The following SP100 variants were observed in gnomAD, a reference collection of about 807,000 sequenced individuals.
The protein encoded by SP100 is nuclear autoantigen Sp-100.
SP100 carries 84 observed loss-of-function variants against 130.0 expected under a neutral mutation model. That is an observed-to-expected ratio of 0.65 (90% CI 0.54 to 0.77). The LOEUF is 0.77. Ranked by LOEUF, SP100 falls within the 30% of genes least tolerant of loss-of-function variation. SP100 has a pLI of 0.00. For synonymous variants in SP100, 331 were observed against 351.7 expected (o/e 0.94, Z 0.66); for missense variants, 978 against 1,052.2 (o/e 0.93, Z 0.97).
At chr2:230,433,947 T>C (rs1354291596) in intron 2 of SP100, among the ~76,000 whole-genome samples, 1 of 149,636 alleles carries the variant, frequency 6.7e-6, no homozygotes, top group Admixed American at 6.6e-5. Flanking sequence ...ATATACTTAC[T>C]CAAAATCTTG....
At chr2:230,438,405 AT>A (rs1373018430) in intron 2 of SP100, among the ~76,000 whole-genome samples, 2 of 151,982 alleles carry the variant, frequency 1.3e-5, no homozygotes, top group East Asian at 3.8e-4. Context: ...CTCAATGTGT[AT>A]TCTTTTATCT....
chr2:230,472,131 T>G (rs2065290450), intron 15 of SP100, among the ~76,000 whole-genome samples: 1 of 150,784 alleles, frequency 6.6e-6, no homozygotes, highest in Non-Finnish European at 1.5e-5. Flanking sequence ...GCAAAAAGAG[T>G]CAAGATCAAG....
rs34582803 is a variant in SP100 at position 230,514,362 on chromosome 2, G to GA, written c.2094+3204dup. On this transcript the variant is annotated intron_variant, in intron 24 of 28. Coordinates refer to ENST00000340126, the MANE Select transcript of SP100 (RefSeq NM_001080391.2). ...AGAGAATTTGTGTACAAGAATGGGG[G>GA]AAAAAAAACCTGTTCCATTAGGGAG... 1.3e-4 allele frequency among the ~76,000 whole-genome samples: 20 copies of GA among 151,828 alleles called. No individual in the cohort carries two copies. In the East Asian group the frequency reaches 2.5e-3, roughly 19 times the overall value.
At position 230,462,436 on chromosome 2, in the gene SP100, C is replaced by T. The variant is rs774811177; in HGVS notation, c.975C>T (p.Val325=). The T allele has an allele frequency of 1.2e-6, 2 of 1,612,944 alleles. No homozygotes were observed. The highest frequency in any genetic ancestry group is 1.3e-5 in the African/African-American group (1 of 74,846). ...THHNQASDII[V]ISSEDSEGST... Reference sequence around the variant, plus strand: ...AATGGTTTTTGCTCCTTTGTGCAGTCATCAGCAGTGAGGACTCTGAAGGAT... The same window carrying T: ...AATGGTTTTTGCTCCTTTGTGCAGTTATCAGCAGTGAGGACTCTGAAGGAT... The change falls in exon 10 of 29, where the codon GTC becomes GTT. Residue 325 remains valine, a splice_region_variant and synonymous_variant. Coordinates refer to ENST00000340126, the MANE Select transcript of SP100 (RefSeq NM_001080391.2).
Position 230,474,135 on chromosome 2 carries a change from G to A in SP100, c.1547-259G>A, listed in dbSNP as rs1423465290. ...TTCATAAAAATTTTAAAGCTGAACA[G>A]GATAACCGTTGCTGTCCCTGTTTCA... is the stretch of plus-strand genomic sequence containing the variant. On this transcript the variant is annotated intron_variant, in intron 16 of 28. Transcript: ENST00000340126. 2.6e-5 allele frequency among the ~76,000 whole-genome samples: 4 copies of A among 152,180 alleles called. No homozygotes were observed. In the East Asian group the frequency reaches 7.7e-4, roughly 29 times the overall value.
chr2:230,491,235 C>T (rs1348259280), intron 17 of SP100, among the ~76,000 whole-genome samples: 2 of 152,204 alleles, frequency 1.3e-5, no homozygotes, highest in East Asian at 3.8e-4. Context: ...ACCCAGTTGT[C>T]TGGGCTGCAC....
Position 230,505,900 on chromosome 2 carries a change from TG to T in SP100, c.1871-401del, listed in dbSNP as rs1168058729. ...ATGGCCACTTGGGGACCCAAGAGCATGGTAGAGGGCTTTATGCCTTCATCCA... is the reference window on the plus strand; with the variant it reads ...ATGGCCACTTGGGGACCCAAGAGCATGTAGAGGGCTTTATGCCTTCATCCA... On this transcript the variant is annotated intron_variant, in intron 21 of 28. Transcript: ENST00000340126. Among the ~76,000 whole-genome samples the T allele has an allele frequency of 6.6e-5, 10 of 152,258 alleles. No individual in the cohort carries two copies. The East Asian group carries it at 1.7e-3, about 26-fold the overall frequency.
intron 8 of SP100, among the ~76,000 whole-genome samples, chr2:230,455,713 C>T (rs1438142412): frequency 1.3e-5 from 2 of 152,152 alleles, no homozygotes; most frequent in East Asian, 3.8e-4. Flanking sequence ...TTCTCTCTTA[C>T]TGTCTTCCTT....
At chr2:230,434,638 G>A (rs13411346) in intron 2 of SP100, among the ~76,000 whole-genome samples, 41,871 of 152,002 alleles carry the variant, frequency 0.28, 5,899 homozygotes, top group Non-Finnish European at 0.29. Flanking sequence ...TTGGGAGTGT[G>A]GGGGCAGGCT....
chr2:230,527,701 T>C (rs947891941), intron 24 of SP100, among the ~76,000 whole-genome samples: 30 of 152,076 alleles, frequency 2.0e-4, no homozygotes, highest in African/African-American at 5.3e-4. Flanking sequence ...AAGACACACA[T>C]AGGCTCAAAA....
At chr2:230,519,266 G>A (rs1293115618) in intron 24 of SP100, among the ~76,000 whole-genome samples, 1 of 152,170 alleles carries the variant, frequency 6.6e-6, no homozygotes, top group Non-Finnish European at 1.5e-5. Flanking sequence ...ACTTTAATGG[G>A]GGTGGTTGAA....
rs1215508731 is a variant in SP100 at position 230,436,748 on chromosome 2, C to G, written c.108-6189C>G. On this transcript the variant is annotated intron_variant, in intron 2 of 28. Coordinates refer to ENST00000340126, the MANE Select transcript of SP100 (RefSeq NM_001080391.2). ...GAATTTTATTAGGTCTATAGGTTTC[C>G]TACATATATAATTATAGAACATATT... Among the ~76,000 whole-genome samples, 6 of 152,148 alleles carry G rather than the reference C, an allele frequency of 3.9e-5. No homozygotes were observed. In the East Asian group the frequency reaches 7.7e-4, roughly 20 times the overall value.
Position 230,464,111 on chromosome 2 carries a change from G to A in SP100, c.1102G>A (p.Gly368Ser), listed in dbSNP as rs2064808919. ...NPLESNDEKE[G>S]QEATCSRPQI... ...TTTAGAATCAAATGATGAAAAGGAG[G>A]GCCAAGAAGCCACTTGCTCACGACC... Residue 368 changes from glycine (G) to serine (S), a missense_variant, in exon 11 of 29, where the codon GGC (glycine) becomes AGC (serine). By Grantham distance (56) the Gly-to-Ser change is moderately conservative. Coordinates refer to ENST00000340126, the MANE Select transcript of SP100 (RefSeq NM_001080391.2). 4 of 1,613,194 alleles carry A rather than the reference G, an allele frequency of 2.5e-6. No homozygotes were observed. The highest frequency in any genetic ancestry group is 3.4e-6 in the Non-Finnish European group (4 of 1,179,330).
rs547080732 is a variant in SP100 at position 230,544,634 on chromosome 2, T to G, written c.*1688T>G. On this transcript the variant is annotated 3_prime_UTR_variant, in exon 29 of 29. Coordinates refer to ENST00000340126, the MANE Select transcript of SP100 (RefSeq NM_001080391.2). Reference sequence around the variant, plus strand: ...TCCCAGGTGGCTGGGATTACAGGCATGCACCACCTGACTGATTTTGTATTT... The same window carrying G: ...TCCCAGGTGGCTGGGATTACAGGCAGGCACCACCTGACTGATTTTGTATTT... Among the ~76,000 whole-genome samples, 1 of 152,288 alleles carries G rather than the reference T, an allele frequency of 6.6e-6. No individual in the cohort carries two copies. The highest frequency in any genetic ancestry group is 1.5e-5 in the Non-Finnish European group (1 of 68,020).
intron 24 of SP100, among the ~76,000 whole-genome samples, chr2:230,522,639 C>A (rs1286475521): frequency 6.6e-6 from 1 of 151,484 alleles, no homozygotes; most frequent in Admixed American, 6.6e-5. Flanking sequence ...CAGGTTCACA[C>A]CACCACGCCC....
intron 2 of SP100, among the ~76,000 whole-genome samples, chr2:230,420,508 T>C (rs2062737341): frequency 6.6e-6 from 1 of 152,186 alleles, no homozygotes; most frequent in South Asian, 2.1e-4. Context: ...ATGTTTAAAT[T>C]GAGGCTTTCT....
At chr2:230,522,952 T>C (rs948422092) in intron 24 of SP100, among the ~76,000 whole-genome samples, 5 of 152,022 alleles carry the variant, frequency 3.3e-5, no homozygotes, top group African/African-American at 9.7e-5. Context: ...GTAGCTAGGA[T>C]TACAGGCACC....
At chr2:230,429,185 C>G (rs895145692) in intron 2 of SP100, among the ~76,000 whole-genome samples, 1 of 152,078 alleles carries the variant, frequency 6.6e-6, no homozygotes, top group Non-Finnish European at 1.5e-5. Context: ...AGGTTTTTAT[C>G]TCTCCTTCAC....
chr2:230,420,017 G>C (rs1156582402), intron 2 of SP100, among the ~76,000 whole-genome samples: 2 of 152,050 alleles, frequency 1.3e-5, no homozygotes, highest in Admixed American at 1.3e-4. Context: ...ATAAATTTAG[G>C]AAGAATTTAT....
Sources: allele counts gnomAD v4.1 joint callset (sites outside exome capture counted in the v4.1 genomes callset), GRCh38; gene constraint gnomAD v4.1.1; transcripts MANE v1.5; gene names NCBI Gene and HGNC (gene_info 2026-07-23, HGNC 2026-07-21).